POMGNT1: variants seen among roughly 807,000 people sequenced by gnomAD.
POMGNT1 encodes the protein protein O-linked-mannose beta-1,2-N-acetylglucosaminyltransferase 1.
A neutral mutation model predicts 95.6 loss-of-function variants in POMGNT1; 67 were observed. The observed-to-expected ratio is 0.70, with a 90% CI of 0.58 to 0.86. The LOEUF is 0.86. Ranked by LOEUF, POMGNT1 falls within the 40% of genes least tolerant of loss-of-function variation. The pLI is 0.00. For synonymous variants in POMGNT1, 298 were observed against 317.9 expected (o/e 0.94, Z 0.66); for missense variants, 719 against 855.2 (o/e 0.84, Z 1.99).
chr1:46,188,883 C>A lies in POMGNT1; in HGVS notation c.*387G>T. ...GTAAGAGCCAGCCCCACCCTCAGGG[C>A]AGCATTCCAGCCCAAAAAGAAATCC... On this transcript the variant is annotated 3_prime_UTR_variant, in exon 22 of 22. Coordinates refer to ENST00000371984, the MANE Select transcript of POMGNT1 (RefSeq NM_017739.4). 6.2e-7 allele frequency: 1 copy of A among 1,612,846 alleles called. No individual in the cohort carries two copies. Among genetic ancestry groups the A allele is most frequent in the South Asian group, 1.1e-5 (1 of 91,080 alleles).
chr1:46,196,205 T>C lies in POMGNT1; in HGVS notation c.355-128A>G. ...GCCTATGTTTCTGTTCACACAGTTCTTTTCCAACTCAGCTCGAAGGCCACC... is the reference window on the plus strand; with the variant it reads ...GCCTATGTTTCTGTTCACACAGTTCCTTTCCAACTCAGCTCGAAGGCCACC... On this transcript the variant is annotated intron_variant, in intron 4 of 21. Transcript: ENST00000371984. This position sits in a 1 kb window ranked among gnomAD's most constrained non-coding sequence, Gnocchi z 4.4. 1 of 1,548,606 alleles carries C rather than the reference T, an allele frequency of 6.5e-7. No homozygotes were observed. Among genetic ancestry groups the C allele is most frequent in the Non-Finnish European group, 8.7e-7 (1 of 1,149,756 alleles).
chr1:46,189,220 C>T lies in POMGNT1; in HGVS notation c.*50G>A. On this transcript the variant is annotated 3_prime_UTR_variant, in exon 22 of 22. Coordinates refer to ENST00000371984, the MANE Select transcript of POMGNT1 (RefSeq NM_017739.4). Reference sequence around the variant, plus strand: ...CCTACAGGATGGAGGGAAGGGCTAGCCAGCCTGGGGGTACACAGTACCCAG... The same window carrying T: ...CCTACAGGATGGAGGGAAGGGCTAGTCAGCCTGGGGGTACACAGTACCCAG... 1.3e-6 allele frequency: 2 copies of T among 1,576,702 alleles called. No homozygotes were observed. Among genetic ancestry groups the T allele is most frequent in the Non-Finnish European group, 1.7e-6 (2 of 1,165,382 alleles).
chr1:46,195,268 T>G (rs542661933), intron 6 of POMGNT1, among the ~76,000 whole-genome samples: 22 of 152,206 alleles, frequency 1.4e-4, no homozygotes, highest in Non-Finnish European at 3.1e-4. Flanking sequence ...TCGACTAGCA[T>G]CTTTGCTGTT....
chr1:46,195,688 G>T, intron 6 of POMGNT1, 123 bp downstream of exon 6: 1 of 911,478 alleles, frequency 1.1e-6, no homozygotes, highest in Non-Finnish European at 1.8e-6. Context: ...GCTGAGATTG[G>T]AACCTGAGTA....
Position 46,196,017 on chromosome 1 carries a change from C to G in POMGNT1, c.415G>C (p.Ala139Pro), listed in dbSNP as rs764809782. 1.9e-6 allele frequency: 3 copies of G among 1,614,046 alleles called. No individual in the cohort carries two copies. The highest frequency in any genetic ancestry group is 2.5e-6 in the Non-Finnish European group (3 of 1,180,024). ...RGIHVIVLNQ[A>P]TGHVMAKRVF... Reference sequence around the variant, plus strand: ...ACCCACCCCTAGAAACTCACCGTGGCCTGGTTGAGGACAATGACATGGATG... The same window carrying G: ...ACCCACCCCTAGAAACTCACCGTGGGCTGGTTGAGGACAATGACATGGATG... The change falls in exon 5 of 22, where the codon GCC becomes CCC. Residue 139 changes from alanine (A) to proline (P), a missense_variant. Physicochemically the swap from Ala to Pro is conservative, Grantham distance 27. This residue lies in a region of POMGNT1 where 466 missense variants were observed against 517.4 expected (regional missense o/e 0.90). Coordinates refer to ENST00000371984, the MANE Select transcript of POMGNT1 (RefSeq NM_017739.4). The surrounding 1 kb of genome is among the most constrained non-coding windows in gnomAD (Gnocchi z 4.4).
chr1:46,209,025 A>G (rs1658809620), intron 1 of POMGNT1, among the ~76,000 whole-genome samples: 1 of 151,992 alleles, frequency 6.6e-6, no homozygotes, highest in Non-Finnish European at 1.5e-5. Flanking sequence ...GAAAAGCAAC[A>G]CTTTTTTATT....
At chr1:46,218,841 C>T (rs995876987) in intron 1 of POMGNT1, among the ~76,000 whole-genome samples, 2 of 152,038 alleles carry the variant, frequency 1.3e-5, no homozygotes, top group African/African-American at 4.8e-5. Context: ...TTTCCCCTCT[C>T]GGTGGCTGCT....
chr1:46,200,782 T>C (rs949814390), upstream of POMGNT1, among the ~76,000 whole-genome samples: 2 of 152,210 alleles, frequency 1.3e-5, no homozygotes, highest in Non-Finnish European at 2.9e-5. Context: ...CCAGTCTCCT[T>C]GACTCTAGAT....
intron 1 of POMGNT1, among the ~76,000 whole-genome samples, chr1:46,215,118 T>C (rs986309152): frequency 1.3e-5 from 2 of 148,846 alleles, no homozygotes; most frequent in African/African-American, 5.0e-5. Context: ...CCCAGCTGCT[T>C]GGGAGGCTGA....
chr1:46,190,430 G>T, intron 19 of POMGNT1, 43 bp downstream of exon 19: 1 of 1,537,502 alleles, frequency 6.5e-7, no homozygotes, highest in South Asian at 1.1e-5. Flanking sequence ...CCCAGTATTT[G>T]ACTCTTTGCT....
chr1:46,208,353 T>C lies in POMGNT1; in HGVS notation c.-50-10482A>G, dbSNP rs75927321. Among the ~76,000 whole-genome samples the C allele has an allele frequency of 5.3e-3, 804 of 152,306 alleles. 6 individuals are homozygous for C. The highest frequency in any genetic ancestry group is 0.041 in the Middle Eastern group (12 of 294). ...TATCTTACCCACTAGATTATGAACCTTCTGAAGGTAAGAAATGATGCCTTT... is the reference window on the plus strand; with the variant it reads ...TATCTTACCCACTAGATTATGAACCCTCTGAAGGTAAGAAATGATGCCTTT... On this transcript the variant is annotated intron_variant, in intron 1 of 22. Coordinates refer to the POMGNT1 transcript ENST00000371992.
chr1:46,202,924 T>TG (rs1445888274), upstream of POMGNT1, among the ~76,000 whole-genome samples: 3 of 73,648 alleles, frequency 4.1e-5, no homozygotes, highest in East Asian at 4.3e-4. Flanking sequence ...GGGGGTGGTG[T>TG]GTGTGTGTGT....
At chr1:46,212,790 C>T (rs1392118162) in intron 1 of POMGNT1, among the ~76,000 whole-genome samples, 3 of 150,198 alleles carry the variant, frequency 2.0e-5, no homozygotes, top group South Asian at 4.2e-4. Flanking sequence ...GACAGAGTCT[C>T]GCTCTGTCGC....
chr1:46,197,590 C>A (rs1658345669), intron 2 of POMGNT1, 112 bp downstream of exon 2: 1 of 1,576,384 alleles, frequency 6.3e-7, no homozygotes. Context: ...CTCTAGGAAC[C>A]TGCTGCCCCT....
Position 46,197,712 on chromosome 1 carries a change from C to CTCCGCA in POMGNT1, c.104_109dup (p.Arg36_Arg37insMetArg). On this transcript the variant is annotated inframe_insertion, in exon 2 of 22. Coordinates refer to ENST00000371984, the MANE Select transcript of POMGNT1 (RefSeq NM_017739.4). ...GGGACATCTCTATACCTGACAGAAT[C>CTCCGCA]TCCGCAGGGCCCGCTGGTTTGTCAG... 1.2e-6 allele frequency: 2 copies of CTCCGCA among 1,614,146 alleles called. No homozygotes were observed. The highest frequency in any genetic ancestry group is 1.7e-6 in the Non-Finnish European group (2 of 1,180,006).
At chr1:46,216,534 G>A (rs1299118374) in intron 1 of POMGNT1, among the ~76,000 whole-genome samples, 1 of 152,068 alleles carries the variant, frequency 6.6e-6, no homozygotes. Flanking sequence ...TAGAGACAGT[G>A]TCTCACTCTG....
chr1:46,215,401 G>A (rs1001368942), intron 1 of POMGNT1, among the ~76,000 whole-genome samples: 26 of 152,220 alleles, frequency 1.7e-4, no homozygotes, highest in African/African-American at 5.1e-4. Context: ...ACTGAAGAAC[G>A]TCAGTTTCCA....
chr1:46,193,259 A>G (rs746569865), intron 12 of POMGNT1, 44 bp from the exon 13 acceptor site: 1 of 1,613,890 alleles, frequency 6.2e-7, no homozygotes, highest in Non-Finnish European at 8.5e-7. Flanking sequence ...TTAGGGTAGA[A>G]GGCAGAGCCA....
intron 1 of POMGNT1, among the ~76,000 whole-genome samples, chr1:46,212,561 G>C (rs558151411): frequency 2.0e-5 from 3 of 151,298 alleles, no homozygotes; most frequent in African/African-American, 7.3e-5. Flanking sequence ...GATTACAGGC[G>C]TGAGCCACTG....
Sources: allele counts gnomAD v4.1 joint callset (sites outside exome capture counted in the v4.1 genomes callset), GRCh38; gene constraint gnomAD v4.1.1; regional missense constraint gnomAD v4.1.1; non-coding constraint Gnocchi (gnomAD v3.1); transcripts MANE v1.5; gene names NCBI Gene and HGNC (gene_info 2026-07-23, HGNC 2026-07-21).